SYNPO2: variants seen among roughly 807,000 people sequenced by gnomAD.
SYNPO2 encodes synaptopodin 2, also known as synaptopodin-2.
In SYNPO2, 56 loss-of-function variants were observed where a neutral mutation model predicts 85.0. The ratio of observed to expected loss-of-function variants is 0.66; its 90% CI spans 0.53 to 0.82. The LOEUF is 0.82. Among genes scored for constraint, SYNPO2 ranks in the 40% least tolerant of loss-of-function variants. The probability of loss-of-function intolerance (pLI) is 0.00; values close to 1 mark genes in which losing one functional copy is unlikely to be tolerated. For synonymous variants in SYNPO2, 602 were observed against 591.1 expected (o/e 1.02, Z -0.27); for missense variants, 1,575 against 1,534.2 (o/e 1.03, Z -0.44).
At chr4:119,037,081 G>A (rs1738547166) in intron 4 of SYNPO2, 2 of 1,524,480 alleles carry the variant, frequency 1.3e-6, no homozygotes, top group South Asian at 1.3e-5. Context: ...TTCTTGACAT[G>A]TTTATCTAAA....
chr4:118,918,598 T>C (rs1026871624), intron 1 of SYNPO2, among the ~76,000 whole-genome samples: 4 of 152,180 alleles, frequency 2.6e-5, no homozygotes, highest in African/African-American at 9.6e-5. Context: ...CTAGAGCATA[T>C]AGAGTTCAGA....
Position 119,027,283 on chromosome 4 carries a change from A to G in SYNPO2, c.914A>G (p.Lys305Arg). ...GAAGGGTGCAGGCTTCAGGCAGGAA[A>G]GGAGTGTGTGGATTCTCCAGTGGAA... Reference protein sequence around the residue: ...KTEGCRLQAGKECVDSPVEGG... With the variant: ...KTEGCRLQAGRECVDSPVEGG... Residue 305 changes from lysine (K) to arginine (R), a missense_variant, in exon 3 of 5, where the codon AAG becomes AGG. Transcript: ENST00000307142. 1.2e-6 allele frequency: 2 copies of G among 1,614,166 alleles called. No homozygotes were observed. The highest frequency in any genetic ancestry group is 1.6e-4 in the Middle Eastern group (1 of 6,062).
chr4:118,881,301 CAAAA>C (rs765003546), intron 1 of SYNPO2, among the ~76,000 whole-genome samples: 2 of 114,018 alleles, frequency 1.8e-5, no homozygotes, highest in African/African-American at 3.6e-5. Context: ...AACTCCGTCT[CAAAA>C]AAAAAAAAAA....
intron 1 of SYNPO2, among the ~76,000 whole-genome samples, chr4:118,877,392 G>A (rs1363087677): frequency 6.6e-6 from 1 of 152,034 alleles, no homozygotes. Context: ...CTTTTGCACA[G>A]CAAAAGAAAC....
chr4:118,916,874 A>G (rs1037914139), intron 1 of SYNPO2, among the ~76,000 whole-genome samples: 5 of 152,010 alleles, frequency 3.3e-5, no homozygotes, highest in Non-Finnish European at 7.4e-5. Context: ...CAAGGGCTAC[A>G]AAGATGCGTC....
Position 119,031,452 on chromosome 4 carries a change from G to A in SYNPO2, c.2677G>A (p.Val893Met). The change falls in exon 4 of 5, where the codon GTG (valine) becomes ATG (methionine). Residue 893 changes from valine to methionine, a missense_variant. Around this residue, in one of 3 missense-constraint regions of SYNPO2, gnomAD observed 1,508 missense variants for 1,446.8 expected, o/e 1.04. Transcript: ENST00000307142. ...MEKYVVDSDT[V>M]QAHAARAQSP... The stretch of plus-strand genomic sequence containing the variant: ...GAAGTATGTGGTCGATTCAGACACG[G>A]TGCAGGCCCACGCTGCTCGAGCTCA... 5 of 1,614,122 alleles carry A rather than the reference G, an allele frequency of 3.1e-6. No individual in the cohort carries two copies. Among genetic ancestry groups the A allele is most frequent in the Non-Finnish European group, 4.2e-6 (5 of 1,180,022 alleles).
intron 1 of SYNPO2, among the ~76,000 whole-genome samples, chr4:118,860,849 C>T (rs1328452085): frequency 6.6e-6 from 1 of 152,070 alleles, no homozygotes; most frequent in Non-Finnish European, 1.5e-5. Context: ...GGCACTGTGC[C>T]CAGCCTGACT....
intron 1 of SYNPO2, among the ~76,000 whole-genome samples, chr4:118,998,537 T>C (rs1307973179): frequency 6.6e-6 from 1 of 152,252 alleles, no homozygotes; most frequent in African/African-American, 2.4e-5. Flanking sequence ...TATTAGTTGC[T>C]ATCCTGTTTT....
At chr4:119,047,664 C>A (rs1738912147) in intron 4 of SYNPO2, among the ~76,000 whole-genome samples, 1 of 152,198 alleles carries the variant, frequency 6.6e-6, no homozygotes, top group Non-Finnish European at 1.5e-5. Context: ...CCTCTAACTT[C>A]AAGCTTGATT....
chr4:118,887,166 AGTGTGTGTGTGTGTGT>A (rs71595329), upstream of SYNPO2, among the ~76,000 whole-genome samples: 5 of 139,142 alleles, frequency 3.6e-5, no homozygotes, highest in South Asian at 4.6e-4. Context: ...CATCTGAGTG[AGTGTGTGTGTGTGTGT>A]GTGTGTGTGT....
At chr4:118,985,217 A>T (rs1423055922) in intron 1 of SYNPO2, among the ~76,000 whole-genome samples, 2 of 152,142 alleles carry the variant, frequency 1.3e-5, no homozygotes, top group South Asian at 2.1e-4. Context: ...GTAGAGGCAG[A>T]TAATCCTTGA....
intron 1 of SYNPO2, among the ~76,000 whole-genome samples, chr4:118,994,506 G>T (rs1219762551): frequency 6.6e-6 from 1 of 152,220 alleles, no homozygotes; most frequent in Non-Finnish European, 1.5e-5. Flanking sequence ...TGACAATTGG[G>T]TTAGATGCAT....
rs914936870 is a variant in SYNPO2, at chr4:118,932,249, G to A, written c.105+43108G>A. Reference sequence around the variant, plus strand: ...TGAGAGCATTTTCTTTGGCCTACCTGTATTCTGAGATAGAGGCACCACTGA... The same window carrying A: ...TGAGAGCATTTTCTTTGGCCTACCTATATTCTGAGATAGAGGCACCACTGA... On this transcript the variant is annotated intron_variant, in intron 1 of 4. Transcript: ENST00000307142. Among the ~76,000 whole-genome samples the A allele has an allele frequency of 3.3e-5, 5 of 152,144 alleles. No individual in the cohort carries two copies. The East Asian group carries it at 7.7e-4, about 23-fold the overall frequency.
At chr4:118,895,573 AC>A (rs1472123341) in intron 1 of SYNPO2, among the ~76,000 whole-genome samples, 4 of 151,954 alleles carry the variant, frequency 2.6e-5, no homozygotes, top group South Asian at 4.2e-4. Flanking sequence ...TCTCTTCTGT[AC>A]CCCCTACAAG....
At chr4:119,051,057 G>A (rs577653287) in intron 4 of SYNPO2, among the ~76,000 whole-genome samples, 4 of 152,248 alleles carry the variant, frequency 2.6e-5, no homozygotes, top group South Asian at 2.1e-4. Context: ...ATAACAGATA[G>A]CAACAGGATA....
At chr4:118,906,241 A>G (rs1732934138) in intron 1 of SYNPO2, among the ~76,000 whole-genome samples, 1 of 152,132 alleles carries the variant, frequency 6.6e-6, no homozygotes, top group Non-Finnish European at 1.5e-5. Flanking sequence ...AACTTATATA[A>G]AGAGTAATTA....
At chr4:118,918,769 G>C (rs1733439245) in intron 1 of SYNPO2, among the ~76,000 whole-genome samples, 1 of 152,104 alleles carries the variant, frequency 6.6e-6, no homozygotes, top group Non-Finnish European at 1.5e-5. Context: ...ATTTTCATTT[G>C]CCTTTCAAAC....
At chr4:118,901,409 A>G (rs1316672130) in intron 1 of SYNPO2, among the ~76,000 whole-genome samples, 1 of 152,206 alleles carries the variant, frequency 6.6e-6, no homozygotes, top group Non-Finnish European at 1.5e-5. Context: ...CAAATAACCC[A>G]TATTCCAAAT....
At chr4:118,930,637 G>A (rs1180183542) in intron 1 of SYNPO2, among the ~76,000 whole-genome samples, 1 of 151,830 alleles carries the variant, frequency 6.6e-6, no homozygotes, top group Non-Finnish European at 1.5e-5. Context: ...AGCATATGCT[G>A]GGTGAGGTGG....
Sources: gnomAD v4.1 joint callset for allele counts (sites outside exome capture counted in the v4.1 genomes callset) on GRCh38, gnomAD v4.1.1 for gene constraint, gnomAD v4.1.1 regional missense constraint, MANE v1.5 for transcripts, NCBI Gene and HGNC (gene_info 2026-07-23, HGNC 2026-07-21) for gene names.